The following CAPSL variants were observed in gnomAD, a reference collection of about 807,000 sequenced individuals.
The protein encoded by CAPSL is calcyphosin-like protein.
CAPSL carries 17 observed loss-of-function variants against 21.3 expected under a neutral mutation model. The ratio of observed to expected loss-of-function variants is 0.80; its 90% confidence interval spans 0.55 to 1.20. CAPSL has a LOEUF of 1.20. Among genes scored for constraint, CAPSL ranks in the 50% most tolerant of loss-of-function variants. CAPSL has a pLI of 0.00. For missense variants in CAPSL, 289 were observed against 259.3 expected (o/e 1.11, Z -0.79); for synonymous variants, 102 against 89.3 (o/e 1.14, Z -0.80).
chr5:35,927,377 A>G (rs185625059), intron 1 of CAPSL, among the ~76,000 whole-genome samples: 34 of 152,310 alleles, frequency 2.2e-4, no homozygotes, highest in Admixed American at 1.9e-3. Context: ...CCATTACATT[A>G]GCTATTTTCA....
intron 1 of CAPSL, among the ~76,000 whole-genome samples, chr5:35,937,678 C>T (rs1305070583): frequency 2.0e-5 from 3 of 152,180 alleles, no homozygotes; most frequent in African/African-American, 7.2e-5. Context: ...TAGCAGGAGG[C>T]TATTTTATTG....
intron 2 of CAPSL, among the ~76,000 whole-genome samples, chr5:35,913,295 T>G (rs1738282367): frequency 6.6e-6 from 1 of 152,202 alleles, no homozygotes; most frequent in Non-Finnish European, 1.5e-5. Flanking sequence ...CAGGATATTT[T>G]CCAGGAGAAC....
At chr5:35,926,588 G>C (rs186027859) in intron 1 of CAPSL, among the ~76,000 whole-genome samples, 44 of 152,286 alleles carry the variant, frequency 2.9e-4, no homozygotes, top group Non-Finnish European at 4.9e-4. Flanking sequence ...AGGACCCTTG[G>C]AAGAGGGAAC....
At chr5:35,909,701 C>T (rs1738159973) in intron 4 of CAPSL, 165 bp downstream of exon 4, 1 of 627,114 alleles carries the variant, frequency 1.6e-6, no homozygotes, top group East Asian at 2.8e-5. Context: ...ATGAAGGTTT[C>T]CCCTGGCAAT....
At chr5:35,906,690 T>C (rs1379475613) in intron 4 of CAPSL, among the ~76,000 whole-genome samples, 2 of 152,204 alleles carry the variant, frequency 1.3e-5, no homozygotes, top group Admixed American at 6.5e-5. Flanking sequence ...TTTCTTGCAA[T>C]TGAAAGCAAA....
chr5:35,934,958 A>G (rs904399385), intron 1 of CAPSL, among the ~76,000 whole-genome samples: 1 of 152,160 alleles, frequency 6.6e-6, no homozygotes, highest in Non-Finnish European at 1.5e-5. Flanking sequence ...GTCTTCTCAG[A>G]TGAAAGCACC....
intron 1 of CAPSL, among the ~76,000 whole-genome samples, chr5:35,930,252 G>A (rs1738786859): frequency 6.6e-6 from 1 of 152,190 alleles, no homozygotes; most frequent in Non-Finnish European, 1.5e-5. Flanking sequence ...GCATGTTGCA[G>A]CCACTCTCAA....
intron 4 of CAPSL, among the ~76,000 whole-genome samples, chr5:35,905,805 C>T (rs1760660980): frequency 6.6e-6 from 1 of 152,178 alleles, no homozygotes; most frequent in Non-Finnish European, 1.5e-5. Flanking sequence ...AGTGTGGGTC[C>T]ACACCACCTG....
chr5:35,936,576 T>C (rs1561446505), intron 1 of CAPSL, among the ~76,000 whole-genome samples: 1 of 152,234 alleles, frequency 6.6e-6, no homozygotes, highest in African/African-American at 2.4e-5. Flanking sequence ...TCATTAGCCC[T>C]TAGTTCACTT....
Position 35,904,575 on chromosome 5 carries a change from G to T in CAPSL, c.597C>A (p.Ile199=). 6.2e-7 allele frequency: 1 copy of T among 1,613,782 alleles called. No homozygotes were observed. Among genetic ancestry groups the T allele is most frequent in the Non-Finnish European group, 8.5e-7 (1 of 1,179,906 alleles). ...SASIDTDVYF[I]IMMRTAWKL Reference sequence around the variant, plus strand: ...GCTTCCAGGCGGTTCTCATCATGATGATGAAGTACACATCAGTGTCAATGG... The same window carrying T: ...GCTTCCAGGCGGTTCTCATCATGATTATGAAGTACACATCAGTGTCAATGG... The change falls in exon 5 of 5, where the codon ATC becomes ATA. Residue 199 remains isoleucine (I), a synonymous_variant. Transcript: ENST00000651391.
intron 2 of CAPSL, among the ~76,000 whole-genome samples, chr5:35,916,489 C>G (rs1462481734): frequency 3.9e-5 from 6 of 152,174 alleles, no homozygotes; most frequent in Non-Finnish European, 7.3e-5. Flanking sequence ...GTAACCAAAA[C>G]AGCATGGTAC....
rs1349402262 is a variant in CAPSL at position 35,904,568 on chromosome 5, T to A, written c.604A>T (p.Met202Leu). The change falls in exon 5 of 5, where the codon ATG becomes TTG. Residue 202 changes from methionine (M) to leucine (L), a missense_variant. By Grantham distance (15) the Met-to-Leu change is conservative. Coordinates refer to ENST00000651391, the MANE Select transcript of CAPSL (RefSeq NM_001042625.2). ...IDTDVYFIIMMRTAWKL is the reference protein window; with the variant it reads ...IDTDVYFIIMLRTAWKL ...GCTTAAAGCTTCCAGGCGGTTCTCATCATGATGATGAAGTACACATCAGTG... is the reference window on the plus strand; with the variant it reads ...GCTTAAAGCTTCCAGGCGGTTCTCAACATGATGATGAAGTACACATCAGTG... 2.5e-6 allele frequency: 4 copies of A among 1,613,740 alleles called. No homozygotes were observed. Among genetic ancestry groups the A allele is most frequent in the Non-Finnish European group, 3.4e-6 (4 of 1,179,936 alleles).
intron 1 of CAPSL, among the ~76,000 whole-genome samples, chr5:35,934,794 TC>T (rs996724588): frequency 1.0e-3 from 154 of 152,312 alleles, no homozygotes; most frequent in African/African-American, 3.7e-3. Context: ...TATTCCTTAT[TC>T]CTACCCACAC....
chr5:35,925,997 A>C (rs559463223), intron 1 of CAPSL, among the ~76,000 whole-genome samples: 1 of 148,320 alleles, frequency 6.7e-6, no homozygotes, highest in African/African-American at 2.5e-5. Flanking sequence ...AATCGCTTGA[A>C]CCCAGGAGAC....
chr5:35,925,475 T>C (rs1007975320), intron 1 of CAPSL, among the ~76,000 whole-genome samples: 2 of 151,978 alleles, frequency 1.3e-5, no homozygotes, highest in Non-Finnish European at 2.9e-5. Context: ...TTCAGTATGG[T>C]TGGAGAACAG....
intron 1 of CAPSL, among the ~76,000 whole-genome samples, chr5:35,937,539 C>T (rs1048616068): frequency 1.3e-5 from 2 of 152,132 alleles, no homozygotes; most frequent in African/African-American, 2.4e-5. Context: ...GTGGTGAAGT[C>T]CAAATAGCAT....
chr5:35,922,430 C>G (rs1340052724), intron 1 of CAPSL, among the ~76,000 whole-genome samples: 2 of 152,098 alleles, frequency 1.3e-5, no homozygotes, highest in Non-Finnish European at 2.9e-5. Flanking sequence ...TATTCAGATT[C>G]CCAGTATGTG....
At chr5:35,928,656 G>A (rs933084039) in intron 1 of CAPSL, among the ~76,000 whole-genome samples, 2 of 152,164 alleles carry the variant, frequency 1.3e-5, no homozygotes, top group Non-Finnish European at 2.9e-5. Context: ...TGCCTCCTGT[G>A]AGATATTTTT....
intron 2 of CAPSL, among the ~76,000 whole-genome samples, chr5:35,917,688 G>A (rs1431843741): frequency 3.9e-5 from 6 of 152,098 alleles, no homozygotes; most frequent in Admixed American, 3.9e-4. Context: ...GACACAGGAA[G>A]GGGAACATCA....
Sources: allele counts gnomAD v4.1 joint callset (sites outside exome capture counted in the v4.1 genomes callset), GRCh38; gene constraint gnomAD v4.1.1; transcripts MANE v1.5; gene names NCBI Gene and HGNC (gene_info 2026-07-23, HGNC 2026-07-21).